Variants in RPS6KC1 observed in about 807,000 individuals in gnomAD.
RPS6KC1 encodes ribosomal protein S6 kinase C1, also known as inactive ribosomal protein S6 kinase delta-1.
RPS6KC1 carries 54 observed loss-of-function variants against 103.8 expected under a neutral mutation model. The ratio of observed to expected loss-of-function variants is 0.52; its 90% CI spans 0.42 to 0.65. The LOEUF (loss-of-function observed/expected upper bound fraction) is 0.65, where lower values mean the gene tolerates loss of function less well. RPS6KC1 is among the 30% of genes least tolerant of loss of function. The probability of loss-of-function intolerance (pLI) is 0.00; values close to 1 mark genes in which losing one functional copy is unlikely to be tolerated. For synonymous variants in RPS6KC1, 439 were observed against 438.7 expected, an observed-to-expected ratio of 1.00 and a Z score of -0.01; for missense variants, 1,151 against 1,253.8, an observed-to-expected ratio of 0.92 and a Z score of 1.24.
chr1:213,155,852 C>T (rs1275116782), intron 6 of RPS6KC1, among the ~76,000 whole-genome samples: 1 of 152,046 alleles, frequency 6.6e-6, no homozygotes, highest in East Asian at 1.9e-4. Flanking sequence ...GTTCCACCGT[C>T]CCCACTCTCT....
At chr1:213,079,918 CTTT>C (rs550713502) in intron 3 of RPS6KC1, among the ~76,000 whole-genome samples, 1 of 130,178 alleles carries the variant, frequency 7.7e-6, no homozygotes, top group Non-Finnish European at 1.7e-5. Flanking sequence ...TTCTTTTTTT[CTTT>C]TTTTTTTTTT....
the RPS6KC1 span, among the ~76,000 whole-genome samples, chr1:213,521,363 A>G: frequency 6.6e-6 from 1 of 152,268 alleles, no homozygotes; most frequent in East Asian, 1.9e-4. Context: ...TAAAATTGCT[A>G]ATGGTAATCT....
At chr1:213,398,175 GCACT>G in the RPS6KC1 span, among the ~76,000 whole-genome samples, 128 of 150,152 alleles carry the variant, frequency 8.5e-4, no homozygotes, top group African/African-American at 3.0e-3. Flanking sequence ...GGGACTACAG[GCACT>G]CACCACCACA....
chr1:213,751,573 G>A, the RPS6KC1 span, among the ~76,000 whole-genome samples: 4 of 152,168 alleles, frequency 2.6e-5, no homozygotes, highest in South Asian at 8.3e-4. Flanking sequence ...GGCTGGTGGA[G>A]GCTGAGCTCT....
At chr1:213,144,852 G>A (rs532839371) in intron 6 of RPS6KC1, among the ~76,000 whole-genome samples, 4 of 152,132 alleles carry the variant, frequency 2.6e-5, no homozygotes, top group East Asian at 1.9e-4. Context: ...TGAGGCAGGC[G>A]GATCACGAGG....
At chr1:213,217,595 C>G (rs561331606) in intron 8 of RPS6KC1, among the ~76,000 whole-genome samples, 8 of 152,188 alleles carry the variant, frequency 5.3e-5, no homozygotes, top group Non-Finnish European at 1.2e-4. Context: ...ACCAATAACC[C>G]TGATGAACAT....
chr1:213,773,864 T>C, the RPS6KC1 span, among the ~76,000 whole-genome samples: 21 of 152,202 alleles, frequency 1.4e-4, no homozygotes, highest in African/African-American at 5.1e-4. Context: ...ACAGCAACAG[T>C]TACTGTGTTT....
chr1:213,363,625 G>GCTTT, the RPS6KC1 span, among the ~76,000 whole-genome samples: 104 of 73,752 alleles, frequency 1.4e-3, 1 homozygote, highest in East Asian at 2.3e-3. Flanking sequence ...TTGCTTGCTT[G>GCTTT]CTTTCTTTCT....
At chr1:213,736,058 C>G in the RPS6KC1 span, among the ~76,000 whole-genome samples, 1 of 152,166 alleles carries the variant, frequency 6.6e-6, no homozygotes, top group Non-Finnish European at 1.5e-5. Context: ...AGACCTCATC[C>G]CAGTAAGGCA....
the RPS6KC1 span, among the ~76,000 whole-genome samples, chr1:213,309,575 G>A: frequency 6.6e-6 from 1 of 152,216 alleles, no homozygotes; most frequent in African/African-American, 2.4e-5. Flanking sequence ...TGTTGCACAA[G>A]GTCATGAAGC....
intron 8 of RPS6KC1, among the ~76,000 whole-genome samples, chr1:213,195,020 A>C (rs910537126): frequency 2.0e-5 from 3 of 152,158 alleles, no homozygotes; most frequent in African/African-American, 7.2e-5. Flanking sequence ...GGAGGAGAGA[A>C]GGGTGTGTGT....
chr1:213,825,636 A>G, the RPS6KC1 span, among the ~76,000 whole-genome samples: 2 of 151,940 alleles, frequency 1.3e-5, no homozygotes, highest in Non-Finnish European at 2.9e-5. Context: ...CTGTTTAACA[A>G]CCTAGGAAGT....
At chr1:213,624,754 C>T in the RPS6KC1 span, among the ~76,000 whole-genome samples, 1 of 152,200 alleles carries the variant, frequency 6.6e-6, no homozygotes, top group Non-Finnish European at 1.5e-5. Context: ...GCCGTGTTCT[C>T]ACTTGGTGGA....
At chr1:213,363,690 CTT>C in the RPS6KC1 span, among the ~76,000 whole-genome samples, 95 of 99,890 alleles carry the variant, frequency 9.5e-4, 10 homozygotes, top group African/African-American at 3.1e-3. Context: ...TTCTTTCTTT[CTT>C]TCTTTCTTTC....
chr1:213,791,467 A>G, the RPS6KC1 span, among the ~76,000 whole-genome samples: 2 of 152,144 alleles, frequency 1.3e-5, no homozygotes, highest in African/African-American at 4.8e-5. Flanking sequence ...TGTGCTAGGT[A>G]CTATTTCTAA....
the RPS6KC1 span, among the ~76,000 whole-genome samples, chr1:213,477,687 G>A: frequency 6.6e-6 from 1 of 152,162 alleles, no homozygotes; most frequent in African/African-American, 2.4e-5. Flanking sequence ...GTGAAGAAAT[G>A]TTAACACTTT....
At chr1:213,762,999 C>T in the RPS6KC1 span, among the ~76,000 whole-genome samples, 3 of 151,900 alleles carry the variant, frequency 2.0e-5, no homozygotes, top group Non-Finnish European at 2.9e-5. Flanking sequence ...GCTGGGATTA[C>T]AGGCACCCGC....
At chr1:213,496,210 C>T in the RPS6KC1 span, among the ~76,000 whole-genome samples, 1 of 151,682 alleles carries the variant, frequency 6.6e-6, no homozygotes, top group Non-Finnish European at 1.5e-5. Context: ...TAAGACAAAG[C>T]AAAAAATGTC....
intron 4 of RPS6KC1, among the ~76,000 whole-genome samples, chr1:213,109,097 G>T (rs972947879): frequency 6.6e-6 from 1 of 151,972 alleles, no homozygotes; most frequent in Admixed American, 6.6e-5. Flanking sequence ...ATATTATCTT[G>T]CAATCCATGA....
Sources: allele counts gnomAD v4.1 joint callset (sites outside exome capture counted in the v4.1 genomes callset), GRCh38; gene constraint gnomAD v4.1.1; transcripts MANE v1.5; gene names NCBI Gene and HGNC (gene_info 2026-07-23, HGNC 2026-07-21).